Variants in WWOX observed in about 807,000 individuals in gnomAD.
WWOX encodes the protein WW domain-containing oxidoreductase.
Under a neutral mutation model 46.2 loss-of-function variants are expected in WWOX, and 69 were observed. The ratio of observed to expected loss-of-function variants is 1.49; its 90% CI spans 1.23 to 1.82. The LOEUF (loss-of-function observed/expected upper bound fraction) is 1.82, where lower values mean the gene tolerates loss of function less well. Among genes scored for constraint, WWOX ranks in the 40% most tolerant of loss-of-function variants. The pLI is 0.00. For synonymous variants in WWOX, 359 were observed against 202.6 expected (o/e 1.77, Z -6.56); for missense variants, 919 against 542.6 (o/e 1.69, Z -6.89).
chr16:78,430,134 G>A (rs1405845813), intron 7 of WWOX, among the ~76,000 whole-genome samples: 1 of 152,098 alleles, frequency 6.6e-6, no homozygotes, highest in Non-Finnish European at 1.5e-5. Context: ...AAGGGCAAAG[G>A]GATGTCTTAC....
intron 8 of WWOX, among the ~76,000 whole-genome samples, chr16:78,921,339 G>C (rs1461536667): frequency 1.3e-5 from 2 of 152,144 alleles, no homozygotes; most frequent in South Asian, 4.1e-4. Context: ...GAAAGTTCTA[G>C]CTGACATAAT....
At chr16:78,846,093 G>C (rs890394060) in intron 8 of WWOX, among the ~76,000 whole-genome samples, 3 of 152,228 alleles carry the variant, frequency 2.0e-5, no homozygotes, top group Non-Finnish European at 4.4e-5. Context: ...TTAGTCATCA[G>C]GAGCTGTGGG....
In WWOX at chr16:78,382,751, G is replaced by C. The variant is rs144020232; in HGVS notation, c.517-4109G>C. ...GGAACAGTTCTATGTCTTGAATGTG[G>C]TGATGGTTATATGAATACATACACA... On this transcript the variant is annotated intron_variant, in intron 5 of 8. Coordinates refer to ENST00000566780, the MANE Select transcript of WWOX (RefSeq NM_016373.4). Among the ~76,000 whole-genome samples the C allele has an allele frequency of 2.0e-5, 3 of 152,216 alleles. No individual in the cohort carries two copies. The East Asian group carries it at 5.8e-4, about 29-fold the overall frequency.
At chr16:78,561,129 T>G (rs531459403) in intron 8 of WWOX, among the ~76,000 whole-genome samples, 15 of 152,288 alleles carry the variant, frequency 9.8e-5, no homozygotes, top group Non-Finnish European at 1.9e-4. Context: ...GGCCCCTGTT[T>G]CCTACTGACT....
At chr16:78,571,388 ATTACAGC>A (rs945489780) in intron 8 of WWOX, among the ~76,000 whole-genome samples, 16 of 152,202 alleles carry the variant, frequency 1.1e-4, no homozygotes, top group African/African-American at 3.9e-4. Flanking sequence ...TATAGTGTGC[ATTACAGC>A]TTAACAGACA....
At chr16:78,964,953 G>C (rs115725255) in intron 8 of WWOX, among the ~76,000 whole-genome samples, 1 of 152,234 alleles carries the variant, frequency 6.6e-6, no homozygotes, top group Non-Finnish European at 1.5e-5. Flanking sequence ...TTGAGTGTGT[G>C]GGGGCACAGA....
At chr16:79,021,641 G>A (rs528093170) in intron 8 of WWOX, among the ~76,000 whole-genome samples, 8 of 152,212 alleles carry the variant, frequency 5.3e-5, no homozygotes, top group South Asian at 4.1e-4. Flanking sequence ...CTGTGATTTC[G>A]ATTGCGACAA....
intron 8 of WWOX, among the ~76,000 whole-genome samples, chr16:78,912,896 C>T (rs548829546): frequency 1.3e-5 from 2 of 151,950 alleles, no homozygotes; most frequent in African/African-American, 4.8e-5. Context: ...GCTTGGAAAA[C>T]ACTATCCATT....
chr16:78,661,586 G>A (rs1202960741), intron 8 of WWOX, among the ~76,000 whole-genome samples: 3 of 149,568 alleles, frequency 2.0e-5, no homozygotes, highest in Non-Finnish European at 4.4e-5. Flanking sequence ...TTCCGTAAAG[G>A]TAGGATTGTG....
chr16:78,716,276 C>G (rs1480271990), intron 8 of WWOX, among the ~76,000 whole-genome samples: 1 of 152,088 alleles, frequency 6.6e-6, no homozygotes, highest in Non-Finnish European at 1.5e-5. Context: ...CTGCCAGAAG[C>G]TCCTGAAGGC....
At chr16:78,417,433 G>A (rs1465226678) in intron 6 of WWOX, among the ~76,000 whole-genome samples, 2 of 151,936 alleles carry the variant, frequency 1.3e-5, no homozygotes, top group Non-Finnish European at 2.9e-5. Context: ...GTCTGTAAAT[G>A]GCAATCATAA....
chr16:79,212,203 AG>A lies in WWOX; in HGVS notation c.*410del. The stretch of plus-strand genomic sequence containing the variant: ...GCCGGGGGCTGGCCTTCTCCTACTT[AG>A]GGAAGAAAAAGCAAGTGTTCACTGC... On this transcript the variant is annotated 3_prime_UTR_variant, in exon 9 of 9. Coordinates refer to ENST00000566780, the MANE Select transcript of WWOX (RefSeq NM_016373.4). 6.9e-7 allele frequency: 1 copy of A among 1,450,446 alleles called. No individual in the cohort carries two copies. The highest frequency in any genetic ancestry group is 9.0e-7 in the Non-Finnish European group (1 of 1,108,526). 89.8% of individuals were successfully genotyped at this position (1,450,446 alleles called of 1,614,324 possible).
intron 5 of WWOX, among the ~76,000 whole-genome samples, chr16:78,217,274 G>C (rs1055077448): frequency 6.6e-6 from 1 of 152,172 alleles, no homozygotes; most frequent in Non-Finnish European, 1.5e-5. Flanking sequence ...AGGATATGTG[G>C]AGTTATCAGT....
intron 8 of WWOX, among the ~76,000 whole-genome samples, chr16:78,965,063 C>A (rs2046339771): frequency 2.0e-5 from 3 of 152,194 alleles, no homozygotes; most frequent in Non-Finnish European, 4.4e-5. Context: ...GTGGAGCCCT[C>A]ATGGAGAACC....
chr16:78,286,951 G>T (rs191820930), intron 5 of WWOX, among the ~76,000 whole-genome samples: 1 of 152,182 alleles, frequency 6.6e-6, no homozygotes, highest in East Asian at 1.9e-4. Flanking sequence ...TTTTTAGTTA[G>T]AAAGTTCATT....
intron 8 of WWOX, among the ~76,000 whole-genome samples, chr16:79,164,795 G>C (rs2150756653): frequency 6.6e-6 from 1 of 152,262 alleles, no homozygotes; most frequent in Middle Eastern, 3.4e-3. Context: ...GAGGCAAGGA[G>C]ACAAGGGATT....
chr16:79,199,882 A>G (rs1273830184), intron 8 of WWOX, among the ~76,000 whole-genome samples: 8 of 152,192 alleles, frequency 5.3e-5, no homozygotes, highest in African/African-American at 1.4e-4. Flanking sequence ...CCTAACAGGT[A>G]TGGCAGCCAG....
At chr16:79,210,629 C>T (rs566015428) in intron 8 of WWOX, among the ~76,000 whole-genome samples, 3 of 152,288 alleles carry the variant, frequency 2.0e-5, no homozygotes, top group East Asian at 3.9e-4. Flanking sequence ...CATAAATAAT[C>T]ATAAGATGCC....
intron 8 of WWOX, among the ~76,000 whole-genome samples, chr16:78,521,298 C>G (rs1231452074): frequency 6.6e-6 from 1 of 152,078 alleles, no homozygotes; most frequent in Non-Finnish European, 1.5e-5. Flanking sequence ...CTCAAGTGAT[C>G]CTCCCACCTC....
Sources: allele counts gnomAD v4.1 joint callset (sites outside exome capture counted in the v4.1 genomes callset), GRCh38; gene constraint gnomAD v4.1.1; transcripts MANE v1.5; gene names NCBI Gene and HGNC (gene_info 2026-07-23, HGNC 2026-07-21).